AHI1: variants seen among roughly 807,000 people sequenced by gnomAD.
AHI1 encodes the protein jouberin.
Under a neutral mutation model 149.3 loss-of-function variants are expected in AHI1, and 123 were observed. The ratio of observed to expected loss-of-function variants is 0.82; its 90% CI spans 0.71 to 0.96. The LOEUF (loss-of-function observed/expected upper bound fraction) is 0.96. AHI1 is among the 40% of genes least tolerant of loss of function. AHI1 has a pLI of 0.00. For missense variants in AHI1, 1,439 were observed against 1,422.7 expected (o/e 1.01, Z -0.18); for synonymous variants, 475 against 459.8 (o/e 1.03, Z -0.42).
intron 23 of AHI1, among the ~76,000 whole-genome samples, chr6:135,392,676 CTT>C (rs1778679184): frequency 6.6e-6 from 1 of 152,186 alleles, no homozygotes; most frequent in Admixed American, 6.5e-5. Flanking sequence ...ACAATCAACA[CTT>C]AATTATTTAT....
chr6:135,487,634 T>C (rs1794669660), intron 5 of AHI1, among the ~76,000 whole-genome samples: 1 of 152,200 alleles, frequency 6.6e-6, no homozygotes, highest in African/African-American at 2.4e-5. Context: ...TCAGAGCATC[T>C]GAGATACCCA....
chr6:135,384,573 T>C (rs1489638994), intron 23 of AHI1, among the ~76,000 whole-genome samples: 1 of 152,194 alleles, frequency 6.6e-6, no homozygotes, highest in Non-Finnish European at 1.5e-5. Flanking sequence ...TAATCAAAAT[T>C]GCTTATTAAT....
intron 27 of AHI1, chr6:135,297,340 T>C (rs1224712140): frequency 4.7e-6 from 2 of 427,492 alleles, no homozygotes; most frequent in Admixed American, 5.2e-5. Context: ...CTCTCTCCCC[T>C]CTCTTCATAG....
intron 23 of AHI1, among the ~76,000 whole-genome samples, chr6:135,375,070 T>C (rs1301820311): frequency 1.3e-5 from 2 of 152,202 alleles, no homozygotes; most frequent in Non-Finnish European, 1.5e-5. Flanking sequence ...TTTTCTGACA[T>C]ATTATGGGTT....
intron 7 of AHI1, 45 bp from the exon 8 acceptor site, chr6:135,463,351 T>G: frequency 7.1e-7 from 1 of 1,417,974 alleles, no homozygotes; most frequent in Non-Finnish European, 9.5e-7. Flanking sequence ...TATATTATCA[T>G]TATAATTATT....
chr6:135,475,076 T>TC (rs1373247697), intron 5 of AHI1, among the ~76,000 whole-genome samples: 1 of 152,176 alleles, frequency 6.6e-6, no homozygotes, highest in African/African-American at 2.4e-5. Flanking sequence ...ACAGATTCCG[T>TC]TTTTTTAAAA....
intron 24 of AHI1, among the ~76,000 whole-genome samples, chr6:135,343,871 T>C (rs1290852253): frequency 6.6e-6 from 1 of 151,956 alleles, no homozygotes; most frequent in Non-Finnish European, 1.5e-5. Context: ...TAGGTATAAG[T>C]GACAAAATAA....
rs534338055 is a variant in AHI1 at position 135,345,445 on chromosome 6, T to TA, written c.3165+12686dup. 9.4e-3 allele frequency among the ~76,000 whole-genome samples: 1,435 copies of TA among 152,190 alleles called. 11 individuals are homozygous for TA. Among genetic ancestry groups the TA allele is most frequent in the Non-Finnish European group, 0.015 (1,019 of 68,004 alleles). On this transcript the variant is annotated intron_variant, in intron 24 of 28. Transcript: ENST00000265602. ...AAATGTCCATCAGTGAATTAATGGATAAAAAATGTAGCATATCCATATACT... is the reference window on the plus strand; with the variant it reads ...AAATGTCCATCAGTGAATTAATGGATAAAAAAATGTAGCATATCCATATACT...
chr6:135,317,309 G>A (rs1019957036), intron 26 of AHI1, among the ~76,000 whole-genome samples: 2 of 151,392 alleles, frequency 1.3e-5, no homozygotes, highest in Admixed American at 6.6e-5. Flanking sequence ...AGTATGCTAC[G>A]CTCTTCTGTG....
chr6:135,422,443 C>T (rs1412299949), intron 20 of AHI1, among the ~76,000 whole-genome samples: 1 of 151,670 alleles, frequency 6.6e-6, no homozygotes, highest in African/African-American at 2.4e-5. Flanking sequence ...GAGGTTGAGG[C>T]CGCAGTGAGC....
intron 24 of AHI1, among the ~76,000 whole-genome samples, chr6:135,351,287 CT>C (rs1210603055): frequency 6.6e-6 from 1 of 152,144 alleles, no homozygotes; most frequent in Non-Finnish European, 1.5e-5. Context: ...ACTAGTTTTA[CT>C]TCTCAAGCTT....
intron 24 of AHI1, among the ~76,000 whole-genome samples, chr6:135,346,573 T>C (rs1377788142): frequency 6.6e-6 from 1 of 152,144 alleles, no homozygotes; most frequent in Non-Finnish European, 1.5e-5. Context: ...AAGATTTTTT[T>C]TCTAGTAAAA....
chr6:135,440,400 C>A, intron 14 of AHI1, among the ~76,000 whole-genome samples: 1 of 152,004 alleles, frequency 6.6e-6, no homozygotes, highest in South Asian at 2.1e-4. Flanking sequence ...TGAAACAAAA[C>A]AAAACAAAAA....
chr6:135,367,491 A>G (rs1019220194), intron 23 of AHI1, among the ~76,000 whole-genome samples: 1 of 151,956 alleles, frequency 6.6e-6, no homozygotes, highest in Non-Finnish European at 1.5e-5. Context: ...AGGAACACCA[A>G]TTATTCTTAG....
intron 5 of AHI1, among the ~76,000 whole-genome samples, chr6:135,467,865 C>T (rs1791040420): frequency 6.6e-6 from 1 of 152,168 alleles, no homozygotes; most frequent in Admixed American, 6.5e-5. Context: ...TGGATTAACA[C>T]TTTGGATTCA....
chr6:135,459,424 A>C (rs76011777), intron 8 of AHI1, among the ~76,000 whole-genome samples: 4,603 of 152,252 alleles, frequency 0.03, 207 homozygotes, highest in African/African-American at 0.1. Context: ...CTTTCTTATA[A>C]AACCCAATTT....
intron 18 of AHI1, 43 bp downstream of exon 18, chr6:135,429,839 T>A (rs1176059255): frequency 1.7e-6 from 2 of 1,144,932 alleles, no homozygotes; most frequent in African/African-American, 1.6e-5. Context: ...ATTCATTACT[T>A]ACTCTGTGAG....
Position 135,490,582 on chromosome 6 carries a change from C to T in AHI1, c.135+41G>A, listed in dbSNP as rs368840462. On this transcript the variant is annotated intron_variant, in intron 5 of 28. Coordinates refer to ENST00000265602, the MANE Select transcript of AHI1 (RefSeq NM_001134831.2). ...AATGCAGCCATATCTGCATTTTATG[C>T]GCATATGTAAATCACTATTACCCAA... 178 of 1,610,194 alleles carry T rather than the reference C, an allele frequency of 1.1e-4. 1 individual carries two copies. The African/African-American group carries it at 1.9e-3, about 17-fold the overall frequency.
chr6:135,397,835 T>C (rs1779441454), intron 22 of AHI1, among the ~76,000 whole-genome samples: 1 of 152,104 alleles, frequency 6.6e-6, no homozygotes, highest in Non-Finnish European at 1.5e-5. Context: ...TGAAGAATTG[T>C]TTATGAAGTT....
Sources: allele counts gnomAD v4.1 joint callset (sites outside exome capture counted in the v4.1 genomes callset), GRCh38; gene constraint gnomAD v4.1.1; transcripts MANE v1.5; gene names NCBI Gene and HGNC (gene_info 2026-07-23, HGNC 2026-07-21).